Variants in MPP7 observed in about 807,000 individuals in gnomAD.
The protein encoded by MPP7 is MAGUK p55 subfamily member 7.
In MPP7, 60 loss-of-function variants were observed where a neutral mutation model predicts 76.5. The ratio of observed to expected loss-of-function variants is 0.78; its 90% CI spans 0.64 to 0.97. The LOEUF is 0.97. Ranked by LOEUF, MPP7 falls within the 50% of genes least tolerant of loss-of-function variation. The pLI is 0.00. For missense variants in MPP7, 641 were observed against 694.0 expected (o/e 0.92, Z 0.86); for synonymous variants, 237 against 244.5 (o/e 0.97, Z 0.29).
intron 3 of MPP7, among the ~76,000 whole-genome samples, chr10:28,168,449 C>T (rs1228507206): frequency 1.3e-5 from 2 of 151,998 alleles, no homozygotes; most frequent in Non-Finnish European, 2.9e-5. Context: ...AACTGAAGTT[C>T]TTAGCTTTAA....
chr10:28,186,808 A>G (rs1837252531), intron 3 of MPP7, among the ~76,000 whole-genome samples: 1 of 152,156 alleles, frequency 6.6e-6, no homozygotes, highest in Non-Finnish European at 1.5e-5. Context: ...TTTGGTTAAG[A>G]CCTACTGCAG....
At chr10:28,112,242 G>C (rs1834527754) in intron 11 of MPP7, among the ~76,000 whole-genome samples, 1 of 152,178 alleles carries the variant, frequency 6.6e-6, no homozygotes, top group Non-Finnish European at 1.5e-5. Flanking sequence ...AGGCATGATG[G>C]ACATCAGATG....
chr10:28,087,150 G>C (rs989144869), intron 12 of MPP7, among the ~76,000 whole-genome samples: 1 of 152,078 alleles, frequency 6.6e-6, no homozygotes, highest in Admixed American at 6.5e-5. Context: ...TGTCCCCCAA[G>C]AAAGCTGGTT....
intron 2 of MPP7, among the ~76,000 whole-genome samples, chr10:28,205,449 T>C (rs1371437085): frequency 6.6e-6 from 1 of 152,212 alleles, no homozygotes; most frequent in African/African-American, 2.4e-5. Flanking sequence ...TAGCAGCAGA[T>C]ATTTTTTAAG....
chr10:28,299,779 T>C (rs990027918), intron 1 of MPP7, among the ~76,000 whole-genome samples: 9 of 151,338 alleles, frequency 5.9e-5, no homozygotes, highest in Non-Finnish European at 1.2e-4. Context: ...TTTTTTTTTT[T>C]TTTTGAGACG....
rs1299481397 is a variant in MPP7, at chr10:28,173,543, C to T, written c.157-23484G>A. Among the ~76,000 whole-genome samples, 7 of 152,126 alleles carry T rather than the reference C, an allele frequency of 4.6e-5. No individual in the cohort carries two copies. The East Asian group carries it at 1.2e-3, about 25-fold the overall frequency. ...CTTTGCCTTCCACTGTAAGTGGAAG[C>T]GTCCTGAGACCCTCATCAAGAGCAG... is the stretch of plus-strand genomic sequence containing the variant. On this transcript the variant is annotated intron_variant, in intron 3 of 16. Transcript: ENST00000683449.
At chr10:28,146,654 G>A (rs910103143) in intron 5 of MPP7, among the ~76,000 whole-genome samples, 1 of 152,012 alleles carries the variant, frequency 6.6e-6, no homozygotes, top group Non-Finnish European at 1.5e-5. Flanking sequence ...CTCAAAAAAA[G>A]TAGAAACTAG....
At chr10:28,272,820 T>C (rs971105607) in intron 1 of MPP7, among the ~76,000 whole-genome samples, 23 of 152,212 alleles carry the variant, frequency 1.5e-4, no homozygotes, top group African/African-American at 5.3e-4. Flanking sequence ...TTTAATACAC[T>C]TACTTATTAA....
intron 1 of MPP7, among the ~76,000 whole-genome samples, chr10:28,254,056 T>C (rs1183898087): frequency 6.7e-6 from 1 of 150,022 alleles, no homozygotes; most frequent in African/African-American, 2.4e-5. Context: ...ATATCCATTC[T>C]TATGGGAATT....
intron 11 of MPP7, among the ~76,000 whole-genome samples, chr10:28,117,241 A>T (rs1270538166): frequency 6.6e-6 from 1 of 152,166 alleles, no homozygotes; most frequent in Non-Finnish European, 1.5e-5. Flanking sequence ...GACTAAATTC[A>T]TTATTTCAAA....
rs1564606750 is a variant in MPP7, at chr10:28,054,216, G to A, written c.1580C>T (p.Ser527Phe). ...ATATTGACTTTCCATTATCTGTGCA[G>A]ATTTAATCATTTCTTGAAAATCTTC... Reference protein sequence around the residue: ...TEEDFQEMIKSAQIMESQYGH... With the variant: ...TEEDFQEMIKFAQIMESQYGH... The change falls in exon 17 of 17, where the codon TCT becomes TTT. Residue 527 changes from serine (S) to phenylalanine (F), a missense_variant. By Grantham distance (155) the Ser-to-Phe change is radical. Transcript: ENST00000683449. The A allele has an allele frequency of 6.4e-7, 1 of 1,574,686 alleles. No individual in the cohort carries two copies. The highest frequency in any genetic ancestry group is 2.2e-5 in the East Asian group (1 of 44,616).
rs201556820 is a variant in MPP7, at chr10:28,054,055, T to A, written c.*10A>T. 5 of 1,602,376 alleles carry A rather than the reference T, an allele frequency of 3.1e-6. No individual in the cohort carries two copies. The African/African-American group carries it at 6.7e-5, about 22-fold the overall frequency. On this transcript the variant is annotated 3_prime_UTR_variant, in exon 17 of 17. Coordinates refer to ENST00000683449, the MANE Select transcript of MPP7 (RefSeq NM_001318170.2). The stretch of plus-strand genomic sequence containing the variant: ...CTATAGAAAAAGACAATTATGGAAA[T>A]TTCTCTTAGTTATGAATGTAACCAG...
intron 1 of MPP7, among the ~76,000 whole-genome samples, chr10:28,284,419 A>G (rs539766327): frequency 1.6e-4 from 24 of 152,294 alleles, no homozygotes; most frequent in African/African-American, 4.8e-4. Flanking sequence ...AAGCAGGAGG[A>G]CCTGTTTCAA....
chr10:28,282,943 T>C (rs1333673850), intron 1 of MPP7, among the ~76,000 whole-genome samples: 2 of 151,890 alleles, frequency 1.3e-5, no homozygotes, highest in African/African-American at 4.8e-5. Context: ...GGGTAGGCAT[T>C]AAAAAAAGAT....
chr10:28,269,311 G>A (rs1840246386), intron 1 of MPP7, among the ~76,000 whole-genome samples: 1 of 152,090 alleles, frequency 6.6e-6, no homozygotes, highest in South Asian at 2.1e-4. Context: ...AACAGTGAAT[G>A]CTCAACAAAC....
chr10:28,160,483 T>C (rs1836222751), intron 3 of MPP7, among the ~76,000 whole-genome samples: 1 of 152,132 alleles, frequency 6.6e-6, no homozygotes, highest in South Asian at 2.1e-4. Context: ...TAACCATCAG[T>C]ACAGATGCCA....
intron 1 of MPP7, among the ~76,000 whole-genome samples, chr10:28,302,291 C>A (rs1193514164): frequency 6.6e-6 from 1 of 152,106 alleles, no homozygotes; most frequent in Non-Finnish European, 1.5e-5. Context: ...AAGAAAAAGC[C>A]CCCAAATAGA....
At chr10:28,107,280 T>C (rs542168502) in intron 11 of MPP7, among the ~76,000 whole-genome samples, 1 of 152,256 alleles carries the variant, frequency 6.6e-6, no homozygotes, top group East Asian at 1.9e-4. Context: ...TGGGACTGGG[T>C]CCCTGGTTGC....
chr10:28,303,834 C>G (rs1192455248), upstream of MPP7, among the ~76,000 whole-genome samples: 1 of 152,196 alleles, frequency 6.6e-6, no homozygotes, highest in Non-Finnish European at 1.5e-5. Context: ...CTTCAGCTCT[C>G]TTAAAGAACT....
Sources: allele counts gnomAD v4.1 joint callset (sites outside exome capture counted in the v4.1 genomes callset), GRCh38; gene constraint gnomAD v4.1.1; transcripts MANE v1.5; gene names NCBI Gene and HGNC (gene_info 2026-07-23, HGNC 2026-07-21).